The following CAP2 variants were observed in gnomAD, a reference collection of about 807,000 sequenced individuals.
The protein encoded by CAP2 is adenylyl cyclase-associated protein 2.
In CAP2, 24 loss-of-function variants were observed where a neutral mutation model predicts 57.7. That is an observed-to-expected ratio of 0.42 (90% CI 0.30 to 0.58). The LOEUF is 0.58. CAP2 is among the 20% of genes least tolerant of loss of function. The pLI, the probability that CAP2 is intolerant of heterozygous loss-of-function variation, is 0.22. For synonymous variants in CAP2, 194 were observed against 207.2 expected, an observed-to-expected ratio of 0.94 and a Z score of 0.55; for missense variants, 501 against 590.3, an observed-to-expected ratio of 0.85 and a Z score of 1.57.
At chr6:17,536,094 C>T (rs1762766077) in intron 7 of CAP2, 1 of 415,164 alleles carries the variant, frequency 2.4e-6, no homozygotes, top group African/African-American at 2.0e-5. Flanking sequence ...GCTGGGACTA[C>T]ATACAGGTGT....
chr6:17,553,231 G>T (rs1339808241), intron 12 of CAP2, among the ~76,000 whole-genome samples: 1 of 152,184 alleles, frequency 6.6e-6, no homozygotes, highest in East Asian at 1.9e-4. Context: ...TGGGACCCAG[G>T]CACCTGTAAC....
At chr6:17,511,271 C>T (rs78011386) in intron 6 of CAP2, among the ~76,000 whole-genome samples, 3,535 of 152,142 alleles carry the variant, frequency 0.023, 143 homozygotes, top group African/African-American at 0.079. Context: ...GACTCAAGCC[C>T]GTGGTGCCGT....
chr6:17,405,765 G>A (rs1178853017), intron 1 of CAP2, among the ~76,000 whole-genome samples: 1 of 151,868 alleles, frequency 6.6e-6, no homozygotes, highest in Non-Finnish European at 1.5e-5. Flanking sequence ...TTTTGAAACA[G>A]GGTCTCACTC....
intron 4 of CAP2, among the ~76,000 whole-genome samples, chr6:17,499,398 CAAAAAAAAA>C (rs71002217): frequency 2.8e-3 from 198 of 69,570 alleles, no homozygotes; most frequent in African/African-American, 9.8e-3. Context: ...GACTCCATCT[CAAAAAAAAA>C]AAAAAAAAAA....
At chr6:17,491,353 G>A (rs1454041430) in intron 4 of CAP2, among the ~76,000 whole-genome samples, 1 of 152,190 alleles carries the variant, frequency 6.6e-6, no homozygotes, top group Non-Finnish European at 1.5e-5. Context: ...CATGTTCTCA[G>A]TTCTTTCATC....
chr6:17,536,689 A>G (rs1015677135), intron 7 of CAP2, among the ~76,000 whole-genome samples: 1 of 152,196 alleles, frequency 6.6e-6, no homozygotes, highest in Non-Finnish European at 1.5e-5. Flanking sequence ...AGAAGCCAGC[A>G]TCATCTTCCC....
chr6:17,553,889 C>T (rs6917222), intron 12 of CAP2, among the ~76,000 whole-genome samples: 1 of 152,032 alleles, frequency 6.6e-6, no homozygotes, highest in Middle Eastern at 3.2e-3. Context: ...CAAAGAGGTG[C>T]CTTCATCTGG....
chr6:17,515,875 C>T lies in CAP2; in HGVS notation c.636+1921C>T, dbSNP rs376418791. ...TTGCCCCTTTCAGCTTTATCTCTCA[C>T]ATCCTCTCCCATGTCTCACCGTGTG... On this transcript the variant is annotated intron_variant, in intron 7 of 12. Coordinates refer to ENST00000229922, the MANE Select transcript of CAP2 (RefSeq NM_006366.3). 2.4e-3 allele frequency among the ~76,000 whole-genome samples: 363 copies of T among 152,306 alleles called. 1 individual carries two copies. The highest frequency in any genetic ancestry group is 8.1e-3 in the African/African-American group (336 of 41,552).
chr6:17,479,928 A>G (rs1761248344), intron 4 of CAP2, among the ~76,000 whole-genome samples: 4 of 151,920 alleles, frequency 2.6e-5, no homozygotes, highest in Admixed American at 2.0e-4. Context: ...TTTTTTTAAT[A>G]TAAGGGTATT....
chr6:17,454,751 C>G (rs557144331), intron 3 of CAP2, among the ~76,000 whole-genome samples: 18 of 152,310 alleles, frequency 1.2e-4, no homozygotes, highest in African/African-American at 4.1e-4. Context: ...ATATCCAGCT[C>G]TCATGATCTG....
intron 12 of CAP2, among the ~76,000 whole-genome samples, chr6:17,555,796 A>T (rs1581620976): frequency 6.6e-6 from 1 of 152,056 alleles, no homozygotes; most frequent in East Asian, 1.9e-4. Context: ...CGAACTCCTG[A>T]CCTCAGGTGA....
chr6:17,433,987 G>T (rs1759808863), intron 3 of CAP2, among the ~76,000 whole-genome samples: 1 of 151,996 alleles, frequency 6.6e-6, no homozygotes, highest in Admixed American at 6.6e-5. Flanking sequence ...ACTTCGAAGG[G>T]CCACCAGGCC....
intron 4 of CAP2, among the ~76,000 whole-genome samples, chr6:17,485,047 C>A (rs1197892971): frequency 6.6e-6 from 1 of 152,014 alleles, no homozygotes; most frequent in Non-Finnish European, 1.5e-5. Context: ...GTAGAAGGGA[C>A]AGTATTTGTT....
intron 1 of CAP2, among the ~76,000 whole-genome samples, chr6:17,404,699 A>C (rs1386106966): frequency 6.8e-6 from 1 of 146,108 alleles, no homozygotes; most frequent in Non-Finnish European, 1.5e-5. Context: ...TGAACCTGGG[A>C]GGTGGAGGTT....
chr6:17,491,783 T>C (rs886814169), intron 4 of CAP2, among the ~76,000 whole-genome samples: 1 of 152,250 alleles, frequency 6.6e-6, no homozygotes, highest in African/African-American at 2.4e-5. Context: ...ATAATAATGC[T>C]AATGTTTCCA....
At chr6:17,406,183 A>C (rs1216681362) in intron 1 of CAP2, among the ~76,000 whole-genome samples, 1 of 152,018 alleles carries the variant, frequency 6.6e-6, no homozygotes, top group Non-Finnish European at 1.5e-5. Flanking sequence ...TTCTCGCCAC[A>C]CACCTCTACC....
At chr6:17,459,762 T>C (rs1190622171) in intron 3 of CAP2, among the ~76,000 whole-genome samples, 1 of 152,172 alleles carries the variant, frequency 6.6e-6, no homozygotes, top group East Asian at 1.9e-4. Context: ...ATGAGACCTG[T>C]TGAAAATTTG....
chr6:17,413,545 G>C (rs1287999499), intron 1 of CAP2, among the ~76,000 whole-genome samples: 1 of 152,142 alleles, frequency 6.6e-6, no homozygotes, highest in Non-Finnish European at 1.5e-5. Context: ...TGAGCATTGT[G>C]CCTAGTAGAC....
At chr6:17,524,883 C>A (rs930296149) in intron 7 of CAP2, among the ~76,000 whole-genome samples, 1 of 74,504 alleles carries the variant, frequency 1.3e-5, no homozygotes, top group Non-Finnish European at 3.0e-5. Flanking sequence ...TATTTCTTTT[C>A]TTTTCTTTTC....
Sources: gnomAD v4.1 joint callset for allele counts (sites outside exome capture counted in the v4.1 genomes callset) on GRCh38, gnomAD v4.1.1 for gene constraint, MANE v1.5 for transcripts, NCBI Gene and HGNC (gene_info 2026-07-23, HGNC 2026-07-21) for gene names.